The following ADGRG2 variants were observed in gnomAD, a reference collection of about 807,000 sequenced individuals.
The protein encoded by ADGRG2 is G protein-coupled receptor 64.
In ADGRG2, 26 loss-of-function variants were observed where a neutral mutation model predicts 74.1. That is an observed-to-expected ratio of 0.35 (90% confidence interval 0.26 to 0.49). ADGRG2 has a LOEUF of 0.49. Ranked by LOEUF, ADGRG2 falls within the 20% of genes least tolerant of loss-of-function variation. The probability of loss-of-function intolerance (pLI) is 0.99; values close to 1 mark genes in which losing one functional copy is unlikely to be tolerated. For missense variants in ADGRG2, 619 were observed against 763.1 expected, an observed-to-expected ratio of 0.81 and a Z score of 2.22; for synonymous variants, 296 against 295.2, an observed-to-expected ratio of 1.00 and a Z score of -0.03.
At chrX:19,023,348 G>T in intron 13 of ADGRG2, 68 bp downstream of exon 13, 1 of 620,455 alleles carries the variant, frequency 1.6e-6, no homozygotes, top group Non-Finnish European at 2.5e-6. Flanking sequence ...ATTTAACTAA[G>T]ACTCCTTAAT....
chrX:19,016,848 T>G, intron 15 of ADGRG2, among the ~76,000 whole-genome samples: 1 of 108,468 alleles, frequency 9.2e-6, no homozygotes, highest in East Asian at 3.0e-4. Flanking sequence ...TACCTCAGTC[T>G]CCCAAGCAGC....
chrX:19,018,302 T>A (rs1194315816), intron 15 of ADGRG2, among the ~76,000 whole-genome samples: 5 of 108,969 alleles, frequency 4.6e-5, no homozygotes, highest in East Asian at 2.9e-4. Flanking sequence ...TGTTTTTTTT[T>A]AATTTTTTAG....
chrX:19,100,853 G>A (rs746379099), intron 1 of ADGRG2, among the ~76,000 whole-genome samples: 1 of 113,166 alleles, frequency 8.8e-6, no homozygotes, highest in Non-Finnish European at 1.9e-5. Flanking sequence ...GAAAGATAAC[G>A]ACATCTGAAA....
At chrX:19,018,923 A>G (rs900804680) in intron 15 of ADGRG2, among the ~76,000 whole-genome samples, 2 of 111,887 alleles carry the variant, frequency 1.8e-5, no homozygotes, top group Non-Finnish European at 3.8e-5. Flanking sequence ...GCTCACTGCA[A>G]GCTCCGCCTC....
intron 2 of ADGRG2, among the ~76,000 whole-genome samples, chrX:19,073,568 A>G (rs150113184): frequency 0.026 from 2,930 of 111,718 alleles, 94 homozygotes; most frequent in African/African-American, 0.09. Flanking sequence ...AGAGCTCTTC[A>G]ATTTCATTAA....
At chrX:19,117,161 G>A (rs1246906468) in intron 1 of ADGRG2, among the ~76,000 whole-genome samples, 3 of 109,644 alleles carry the variant, frequency 2.7e-5, no homozygotes, top group Admixed American at 2.0e-4. Context: ...CGGGTGTGGT[G>A]GCGGGCACCT....
chrX:19,019,702 C>G (rs1310791673), intron 14 of ADGRG2, 37 bp from the exon 15 acceptor site: 1 of 815,844 alleles, frequency 1.2e-6, no homozygotes, highest in South Asian at 2.1e-5. Context: ...AAGAAAAATG[C>G]ACGGTCAAGA....
chrX:19,080,740 G>A (rs770818060), intron 2 of ADGRG2, among the ~76,000 whole-genome samples: 1 of 110,107 alleles, frequency 9.1e-6, no homozygotes, highest in South Asian at 4.0e-4. Context: ...CTGTCACCCA[G>A]GCTGGAGTGC....
intron 1 of ADGRG2, among the ~76,000 whole-genome samples, chrX:19,107,911 T>C (rs1330428925): frequency 9.5e-6 from 1 of 104,829 alleles, no homozygotes; most frequent in Non-Finnish European, 1.9e-5. Flanking sequence ...CCATCCTGGC[T>C]AACACGGTGA....
At chrX:19,043,900 C>T (rs2061124878) in intron 3 of ADGRG2, among the ~76,000 whole-genome samples, 2 of 111,084 alleles carry the variant, frequency 1.8e-5, no homozygotes, top group African/African-American at 6.6e-5. Flanking sequence ...TCCCTCATCA[C>T]CCCACATCAT....
At chrX:19,074,044 GGAAACTGGTAA>G (rs993453128) in intron 2 of ADGRG2, among the ~76,000 whole-genome samples, 3 of 110,887 alleles carry the variant, frequency 2.7e-5, no homozygotes, top group Non-Finnish European at 5.7e-5. Flanking sequence ...AAAAGAATCA[GGAAACTGGTAA>G]GAAAAGCATA....
chrX:19,093,105 A>G (rs929419845), intron 1 of ADGRG2, among the ~76,000 whole-genome samples: 14 of 112,099 alleles, frequency 1.2e-4, no homozygotes, highest in Non-Finnish European at 2.4e-4. Context: ...AAACATGACA[A>G]TCCTTAGAGA....
chrX:18,993,772 C>T (rs890458083), intron 28 of ADGRG2, among the ~76,000 whole-genome samples: 16 of 110,551 alleles, frequency 1.4e-4, no homozygotes, highest in Non-Finnish European at 2.8e-4. Context: ...TGAACCTTCT[C>T]ACAAATTTAT....
intron 23 of ADGRG2, among the ~76,000 whole-genome samples, chrX:19,004,294 A>G (rs2060188036): frequency 8.9e-6 from 1 of 112,295 alleles, no homozygotes; most frequent in African/African-American, 3.2e-5. Context: ...ACACTCACTG[A>G]ATATCTATTT....
At position 18,999,167 on chromosome X, in the gene ADGRG2, T is replaced by C. The variant is rs1379460073; in HGVS notation, c.2443A>G (p.Ile815Val). 8.3e-7 allele frequency: 1 copy of C among 1,209,251 alleles called. No homozygotes were observed. The highest frequency in any genetic ancestry group is 1.1e-6 in the Non-Finnish European group (1 of 894,699). Reference protein sequence around the residue: ...FIVVLVQLCRIKKKKQLGAQR... With the variant: ...FIVVLVQLCRVKKKKQLGAQR... ...GCTCCCAGTTGCTTCTTCTTTTTAA[T>C]TCGACAGAGCTGAACCAGGACCACA... Residue 815 changes from isoleucine to valine, a missense_variant, in exon 26 of 29, where the codon ATT becomes GTT. Physicochemically the swap from Ile to Val is conservative, Grantham distance 29. Transcript: ENST00000379869.
chrX:19,052,716 G>A (rs1013029794), intron 3 of ADGRG2, among the ~76,000 whole-genome samples: 1 of 106,764 alleles, frequency 9.4e-6, no homozygotes, highest in Non-Finnish European at 1.9e-5. Context: ...CCAAGATGGA[G>A]TCTCATTCTG....
At chrX:19,006,473 G>A (rs1193097836) in intron 20 of ADGRG2, among the ~76,000 whole-genome samples, 3 of 110,536 alleles carry the variant, frequency 2.7e-5, no homozygotes, top group Admixed American at 9.7e-5. Context: ...CTCATCAATC[G>A]TGCATAGGAA....
intron 22 of ADGRG2, among the ~76,000 whole-genome samples, chrX:19,005,705 C>T (rs929488227): frequency 4.5e-5 from 5 of 110,656 alleles, no homozygotes; most frequent in Non-Finnish European, 5.7e-5. Flanking sequence ...AGGTACGCAC[C>T]ACCACACCCA....
chrX:19,041,468 T>C (rs1455746313), intron 3 of ADGRG2, among the ~76,000 whole-genome samples: 1 of 112,231 alleles, frequency 8.9e-6, no homozygotes, highest in Non-Finnish European at 1.9e-5. Flanking sequence ...ATTTTTACAA[T>C]GTTATCTTGA....
Sources: gnomAD v4.1 joint callset for allele counts (sites outside exome capture counted in the v4.1 genomes callset) on GRCh38, gnomAD v4.1.1 for gene constraint, MANE v1.5 for transcripts, NCBI Gene and HGNC (gene_info 2026-07-23, HGNC 2026-07-21) for gene names.